Variants in ASB3 observed in about 807,000 individuals in gnomAD.
ASB3 encodes the protein ankyrin repeat and SOCS box containing 3, also known as ankyrin repeat and SOCS box protein 3.
ASB3 carries 41 observed loss-of-function variants against 54.5 expected under a neutral mutation model. The observed-to-expected ratio is 0.75, with a 90% confidence interval of 0.59 to 0.98. The LOEUF is 0.98. Ranked by LOEUF, ASB3 falls within the 50% of genes least tolerant of loss-of-function variation. ASB3 has a pLI of 0.00. For missense variants in ASB3, 733 were observed against 620.0 expected (o/e 1.18, Z -1.94); for synonymous variants, 266 against 221.2 (o/e 1.20, Z -1.80).
chr2:53,761,253 T>C (rs1030541554), intron 2 of ASB3, among the ~76,000 whole-genome samples: 1 of 152,034 alleles, frequency 6.6e-6, no homozygotes, highest in African/African-American at 2.4e-5. Flanking sequence ...AAATACAAAT[T>C]AGGCTACAGC....
chr2:53,690,404 C>A (rs1668850003), intron 9 of ASB3, among the ~76,000 whole-genome samples: 1 of 152,140 alleles, frequency 6.6e-6, no homozygotes, highest in South Asian at 2.1e-4. Context: ...GGTACCTGAA[C>A]CACACTGTAA....
intron 5 of ASB3, among the ~76,000 whole-genome samples, chr2:53,720,131 A>C (rs1386315931): frequency 8.3e-6 from 1 of 119,832 alleles, no homozygotes; most frequent in Non-Finnish European, 1.7e-5. Context: ...AAGGCTAATC[A>C]GAAACTCAAA....
chr2:53,745,917 A>C (rs1200537616), intron 3 of ASB3, among the ~76,000 whole-genome samples: 1 of 152,230 alleles, frequency 6.6e-6, no homozygotes, highest in Admixed American at 6.5e-5. Context: ...GTAGTTTGAT[A>C]CAAACCTTGA....
intron 1 of ASB3, among the ~76,000 whole-genome samples, chr2:53,781,950 G>A (rs1335080697): frequency 6.6e-6 from 1 of 152,130 alleles, no homozygotes; most frequent in East Asian, 1.9e-4. Context: ...TATTCAACAA[G>A]TACTGGCTGG....
At chr2:53,782,967 G>A (rs574289103) in intron 1 of ASB3, among the ~76,000 whole-genome samples, 17 of 151,896 alleles carry the variant, frequency 1.1e-4, no homozygotes, top group South Asian at 1.0e-3. Flanking sequence ...TTTTATTTTC[G>A]GAGAGACAGG....
intron 6 of ASB3, among the ~76,000 whole-genome samples, chr2:53,714,886 C>A (rs1390932663): frequency 6.6e-6 from 1 of 152,014 alleles, no homozygotes; most frequent in Non-Finnish European, 1.5e-5. Context: ...CCACCTTAAC[C>A]CCCAAAATTC....
At chr2:53,736,279 A>T (rs1239766644) in intron 3 of ASB3, among the ~76,000 whole-genome samples, 2 of 152,180 alleles carry the variant, frequency 1.3e-5, no homozygotes, top group Non-Finnish European at 2.9e-5. Context: ...GCAAATGAAA[A>T]CCTCAGTGAG....
intron 2 of ASB3, among the ~76,000 whole-genome samples, chr2:53,756,278 TGAA>T (rs1415705891): frequency 1.3e-5 from 2 of 152,236 alleles, no homozygotes; most frequent in African/African-American, 4.8e-5. Flanking sequence ...CAGCAGTCTC[TGAA>T]GAGACCCATC....
intron 1 of ASB3, among the ~76,000 whole-genome samples, chr2:53,773,960 G>A (rs908840361): frequency 1.2e-4 from 19 of 152,050 alleles, no homozygotes; most frequent in Non-Finnish European, 2.1e-4. Context: ...GCTTGAACCC[G>A]GGAGGCTGAG....
intron 9 of ASB3, among the ~76,000 whole-genome samples, chr2:53,682,035 C>A (rs1035471951): frequency 4.0e-5 from 6 of 151,880 alleles, no homozygotes; most frequent in African/African-American, 1.5e-4. Context: ...TGGCACATGC[C>A]TGTAACCCCA....
At chr2:53,730,134 T>C (rs1436256604) in intron 3 of ASB3, among the ~76,000 whole-genome samples, 3 of 152,200 alleles carry the variant, frequency 2.0e-5, no homozygotes, top group African/African-American at 7.2e-5. Context: ...ATAAAAAATG[T>C]TGTTAAAGAG....
Position 53,724,902 on chromosome 2 carries a change from C to T in ASB3, c.604+3810G>A, listed in dbSNP as rs116780179. On this transcript the variant is annotated intron_variant, in intron 5 of 9. Coordinates refer to ENST00000263634, the MANE Select transcript of ASB3 (RefSeq NM_016115.5). ...AATTTCTCAAAGAACTTAAAACTAC[C>T]ATTCAACCCAGCAATTCCATCACTG... Among the ~76,000 whole-genome samples the T allele has an allele frequency of 6.2e-3, 947 of 152,246 alleles. 9 individuals carry two copies. Among genetic ancestry groups the T allele is most frequent in the African/African-American group, 0.022 (902 of 41,550 alleles).
chr2:53,778,580 C>G (rs1056355113), intron 1 of ASB3, among the ~76,000 whole-genome samples: 5 of 152,192 alleles, frequency 3.3e-5, no homozygotes, highest in Admixed American at 1.3e-4. Context: ...CTGTTCTACT[C>G]TCTGCTTCTT....
At chr2:53,698,025 A>G (rs763659779) in intron 8 of ASB3, among the ~76,000 whole-genome samples, 9 of 152,074 alleles carry the variant, frequency 5.9e-5, no homozygotes, top group East Asian at 1.9e-4. Flanking sequence ...CTCTAACCCT[A>G]TATTTCTACT....
In ASB3 at chr2:53,765,447, C is replaced by T. The variant is rs369756801; in HGVS notation, c.126G>A (p.Arg42=). The T allele has an allele frequency of 1.9e-6, 3 of 1,614,066 alleles. No individual in the cohort carries two copies. The highest frequency in any genetic ancestry group is 1.3e-5 in the African/African-American group (1 of 74,918). ...CTGCTTCATGAATTGGCATCCATCCCCTGTTATCAGCAACATCGACACTTC... is the reference window on the plus strand; with the variant it reads ...CTGCTTCATGAATTGGCATCCATCCTCTGTTATCAGCAACATCGACACTTC... ...KGRSVDVADN[R]GWMPIHEAAY... is the part of the protein sequence containing the mutation. Residue 42 remains arginine (R), a synonymous_variant, in exon 2 of 10, where the codon AGG becomes AGA. Transcript: ENST00000263634.
chr2:53,709,612 T>C (rs1221015210), intron 7 of ASB3, among the ~76,000 whole-genome samples: 2 of 152,224 alleles, frequency 1.3e-5, no homozygotes, highest in Non-Finnish European at 2.9e-5. Flanking sequence ...TCCTTGATCA[T>C]TACTGAATAT....
At chr2:53,777,747 G>A (rs1674422405) in intron 1 of ASB3, among the ~76,000 whole-genome samples, 1 of 152,180 alleles carries the variant, frequency 6.6e-6, no homozygotes, top group South Asian at 2.1e-4. Context: ...TAAGCTTTTG[G>A]AGGAAATAGA....
chr2:53,723,395 T>A (rs1670817830), intron 5 of ASB3, among the ~76,000 whole-genome samples: 1 of 152,168 alleles, frequency 6.6e-6, no homozygotes, highest in Non-Finnish European at 1.5e-5. Context: ...GAGAAAGTTC[T>A]TTAGTGGTGA....
At chr2:53,691,610 G>C (rs1380068911) in intron 9 of ASB3, among the ~76,000 whole-genome samples, 1 of 152,156 alleles carries the variant, frequency 6.6e-6, no homozygotes, top group South Asian at 2.1e-4. Flanking sequence ...TCATGCTTCT[G>C]CTTACTAGAG....
Sources: allele counts gnomAD v4.1 joint callset (sites outside exome capture counted in the v4.1 genomes callset), GRCh38; gene constraint gnomAD v4.1.1; transcripts MANE v1.5; gene names NCBI Gene and HGNC (gene_info 2026-07-23, HGNC 2026-07-21).